The following ABCB5 variants were observed in gnomAD, a reference collection of about 807,000 sequenced individuals.
ABCB5 encodes the protein ATP-binding cassette sub-family B member 5.
In ABCB5, 155 loss-of-function variants were observed where a neutral mutation model predicts 144.2. That is an observed-to-expected ratio of 1.08 (90% CI 0.94 to 1.23). The LOEUF is 1.23. ABCB5 is among the 50% of genes most tolerant of loss of function. The pLI is 0.00. For missense variants in ABCB5, 1,830 were observed against 1,520.8 expected (o/e 1.20, Z -3.38); for synonymous variants, 610 against 528.6 (o/e 1.15, Z -2.11).
intron 20 of ABCB5, among the ~76,000 whole-genome samples, chr7:20,706,880 C>G (rs1279654865): frequency 2.0e-5 from 3 of 152,070 alleles, no homozygotes; most frequent in African/African-American, 7.2e-5. Context: ...ATGAATAAAA[C>G]AATCGAAGAA....
In ABCB5 at chr7:20,729,917, T is replaced by C. The variant is rs1782154637; in HGVS notation, c.2867+1462T>C. Among the ~76,000 whole-genome samples, 3 of 152,344 alleles carry C rather than the reference T, an allele frequency of 2.0e-5. No homozygotes were observed. In the South Asian group the frequency reaches 6.2e-4, roughly 32 times the overall value. On this transcript the variant is annotated intron_variant, in intron 23 of 27. Transcript: ENST00000404938. ...ACTTTGAATATCCTTATTGTTGGCA[T>C]ATTTGTATTTTCAGGATAGGTTCAA...
chr7:20,686,388 T>C (rs575571771), intron 16 of ABCB5, among the ~76,000 whole-genome samples: 2 of 152,164 alleles, frequency 1.3e-5, no homozygotes, highest in East Asian at 1.9e-4. Context: ...CTTCTGCTGA[T>C]ACCCCTCATA....
chr7:20,744,511 C>G (rs6947306), intron 25 of ABCB5, among the ~76,000 whole-genome samples: 125,645 of 151,864 alleles, frequency 0.83, 52,070 homozygotes, highest in East Asian at 0.86. Flanking sequence ...CTCAGTCGCT[C>G]TACCCTGTTA....
intron 3 of ABCB5, among the ~76,000 whole-genome samples, chr7:20,627,204 C>T (rs1583376323): frequency 6.6e-6 from 1 of 152,016 alleles, no homozygotes; most frequent in African/African-American, 2.4e-5. Flanking sequence ...TGTTATGTCC[C>T]TACAAATATA....
At chr7:20,694,817 T>A (rs1249033344) in intron 16 of ABCB5, among the ~76,000 whole-genome samples, 1 of 151,826 alleles carries the variant, frequency 6.6e-6, no homozygotes, top group Non-Finnish European at 1.5e-5. Context: ...AGTGGGAAAT[T>A]AAAAATAAAA....
intron 20 of ABCB5, among the ~76,000 whole-genome samples, chr7:20,711,778 C>CTCTCTCTCTTTCTTTCTCTCTCTCTCTT (rs1562573557): frequency 4.0e-4 from 19 of 47,110 alleles, no homozygotes; most frequent in Admixed American, 1.8e-3. Context: ...TTCCTTCTTT[C>CTCTCTCTCTTTCTTTCTCTCTCTCTCTT]TCTTTCTTTC....
intron 14 of ABCB5, among the ~76,000 whole-genome samples, chr7:20,665,762 G>C (rs1287895988): frequency 2.7e-4 from 38 of 138,484 alleles, no homozygotes; most frequent in Non-Finnish European, 6.2e-5. Flanking sequence ...TAGATAGATA[G>C]ATAGAGATAC....
At chr7:20,674,187 T>A (rs1329107076) in intron 14 of ABCB5, among the ~76,000 whole-genome samples, 1 of 151,918 alleles carries the variant, frequency 6.6e-6, no homozygotes, top group Non-Finnish European at 1.5e-5. Flanking sequence ...TAAGAAAAAA[T>A]TACATTTTTC....
chr7:20,717,921 A>G (rs1425669174), intron 20 of ABCB5, among the ~76,000 whole-genome samples: 1 of 35,724 alleles, frequency 2.8e-5, no homozygotes, highest in Non-Finnish European at 5.1e-5. Context: ...TTTTTTTTTG[A>G]TACAGAGCCT....
At chr7:20,673,962 G>A (rs1317668256) in intron 14 of ABCB5, among the ~76,000 whole-genome samples, 1 of 151,768 alleles carries the variant, frequency 6.6e-6, no homozygotes, top group Admixed American at 6.6e-5. Flanking sequence ...AGAGTTTATG[G>A]TGTACACATT....
rs1172285058 is a variant in ABCB5 at position 20,726,358 on chromosome 7, CTT to C, written c.2626-659_2626-658del. 3.9e-3 allele frequency among the ~76,000 whole-genome samples: 305 copies of C among 78,404 alleles called. 4 individuals are homozygous for C. In the Admixed American group the frequency reaches 0.055, roughly 14 times the overall value. The allele number at this position is 78,404 out of a possible 152,430, so 51.4% of individuals were successfully genotyped here. ...TATGTGATTACTTTATCTCTGCTATCTTTTTTTTTTTTTTTTTTTTTTTTGAG... is the reference window on the plus strand; with the variant it reads ...TATGTGATTACTTTATCTCTGCTATCTTTTTTTTTTTTTTTTTTTTTTGAG... On this transcript the variant is annotated intron_variant, in intron 21 of 27. Coordinates refer to ENST00000404938, the MANE Select transcript of ABCB5 (RefSeq NM_001163941.2).
In ABCB5 at chr7:20,645,835, TCCGAACAGTCATAG is replaced by T. The variant is rs1562535596; in HGVS notation, c.761_774del (p.Arg254LeufsTer2). ...GTGGCAGAAGAAGTCTTGTCATCAA[TCCGAACAGTCATAG>T]CCTTTAGGGCCCAGGAGAAAGAACT... On this transcript the variant is annotated frameshift_variant, in exon 8 of 28. Transcript: ENST00000404938. LOFTEE classifies it high-confidence loss of function. 1.2e-6 allele frequency: 2 copies of T among 1,613,846 alleles called. No homozygotes were observed. The highest frequency in any genetic ancestry group is 1.7e-6 in the Non-Finnish European group (2 of 1,179,772).
In ABCB5 at chr7:20,755,961, A is replaced by G. The variant is rs1783075904; in HGVS notation, c.*337A>G. On this transcript the variant is annotated 3_prime_UTR_variant, in exon 28 of 28. Transcript: ENST00000404938. Reference sequence around the variant, plus strand: ...GAAATATGTTTCCAGGGGGAATATTATCCAATTAACCATGTTGAAGGTTTT... The same window carrying G: ...GAAATATGTTTCCAGGGGGAATATTGTCCAATTAACCATGTTGAAGGTTTT... 1 of 285,494 alleles carries G rather than the reference A, an allele frequency of 3.5e-6. No individual in the cohort carries two copies. Among genetic ancestry groups the G allele is most frequent in the Non-Finnish European group, 6.7e-6 (1 of 148,480 alleles). The allele number at this position is 285,494 out of a possible 1,614,324, so 17.7% of individuals were successfully genotyped here.
chr7:20,626,727 A>G, intron 3 of ABCB5, 116 bp downstream of exon 3: 1 of 781,864 alleles, frequency 1.3e-6, no homozygotes, highest in Non-Finnish European at 1.9e-6. Flanking sequence ...AGAGGGAACT[A>G]AAATAATTCA....
chr7:20,658,588 T>C lies in ABCB5; in HGVS notation c.1619T>C (p.Val540Ala), dbSNP rs1026304084. ...AGGATCGCAATTGCTCGTGCCTTAG[T>C]TCGAAACCCCAAGATTCTGATTTTA... is the stretch of plus-strand genomic sequence containing the variant. ...KQRIAIARALVRNPKILILDE... is the reference protein window; with the variant it reads ...KQRIAIARALARNPKILILDE... Residue 540 changes from valine (V) to alanine (A), a missense_variant, in exon 14 of 28, where the codon GTT becomes GCT. Transcript: ENST00000404938. 3 of 1,614,198 alleles carry C rather than the reference T, an allele frequency of 1.9e-6. No individual in the cohort carries two copies. The highest frequency in any genetic ancestry group is 2.5e-6 in the Non-Finnish European group (3 of 1,180,032).
chr7:20,674,588 C>T (rs1286368657), intron 14 of ABCB5, among the ~76,000 whole-genome samples: 1 of 151,156 alleles, frequency 6.6e-6, no homozygotes, highest in South Asian at 2.1e-4. Context: ...GGTATACAAA[C>T]ACACAAAAAC....
chr7:20,641,073 G>A (rs1015156695), intron 5 of ABCB5, among the ~76,000 whole-genome samples: 5 of 152,056 alleles, frequency 3.3e-5, no homozygotes, highest in East Asian at 3.9e-4. Context: ...CCCCTCTCTC[G>A]TGCTTCCATT....
chr7:20,680,949 TTCCC>T (rs1169322964), intron 14 of ABCB5, among the ~76,000 whole-genome samples: 6 of 151,838 alleles, frequency 4.0e-5, no homozygotes, highest in Non-Finnish European at 1.5e-5. Context: ...GATTTCTTCT[TTCCC>T]TCCCTCCCTC....
intron 13 of ABCB5, among the ~76,000 whole-genome samples, chr7:20,656,850 A>T (rs931462970): frequency 7.2e-5 from 11 of 152,116 alleles, no homozygotes; most frequent in African/African-American, 2.7e-4. Context: ...GAAACAATTT[A>T]AGTGTTCATC....
Sources: allele counts gnomAD v4.1 joint callset (sites outside exome capture counted in the v4.1 genomes callset), GRCh38; gene constraint gnomAD v4.1.1; transcripts MANE v1.5; gene names NCBI Gene and HGNC (gene_info 2026-07-23, HGNC 2026-07-21).